SKIC3: variants seen among roughly 807,000 people sequenced by gnomAD.
The protein encoded by SKIC3 is superkiller complex protein 3.
At chr5:95,466,351 C>T in the SKIC3 span, among the ~76,000 whole-genome samples, 1,296 of 152,224 alleles carry the variant, frequency 8.5e-3, 14 homozygotes, top group South Asian at 0.035. Flanking sequence ...ATTCTGTTAC[C>T]TCTAACTCCA....
the SKIC3 span, among the ~76,000 whole-genome samples, chr5:95,481,390 C>T: frequency 6.6e-6 from 1 of 152,162 alleles, no homozygotes; most frequent in Admixed American, 6.6e-5. Context: ...ACACGCCTTC[C>T]TCCTTCCATC....
At chr5:95,540,624 C>A in the SKIC3 span, 1 of 1,585,466 alleles carries the variant, frequency 6.3e-7, no homozygotes, top group Non-Finnish European at 8.6e-7. Context: ...ATTATGTTTC[C>A]ATTTTCTAAA....
the SKIC3 span, among the ~76,000 whole-genome samples, chr5:95,477,738 CACATATATGA>C: frequency 6.6e-6 from 1 of 152,040 alleles, no homozygotes; most frequent in Non-Finnish European, 1.5e-5. Context: ...AAATTCATAC[CACATATATGA>C]ACACTCCATT....
chr5:95,484,704 A>G, the SKIC3 span: 12 of 1,613,892 alleles, frequency 7.4e-6, no homozygotes, highest in African/African-American at 2.7e-5. Context: ...ATGAGTTTCA[A>G]TGCACATTCC....
chr5:95,510,392 G>A, the SKIC3 span, among the ~76,000 whole-genome samples: 12 of 152,172 alleles, frequency 7.9e-5, no homozygotes, highest in Admixed American at 3.9e-4. Flanking sequence ...CTTGCCTAGC[G>A]ACTAGACCTG....
At chr5:95,503,721 AC>A in the SKIC3 span, 7 of 1,569,724 alleles carry the variant, frequency 4.5e-6, no homozygotes, top group African/African-American at 9.5e-5. Context: ...TGCAACCCCC[AC>A]CCCATCTCAT....
chr5:95,553,561 GT>G, the SKIC3 span, among the ~76,000 whole-genome samples: 21 of 151,594 alleles, frequency 1.4e-4, 1 homozygote, highest in African/African-American at 4.4e-4. Flanking sequence ...GGGTTTTTTT[GT>G]TTTTGTTTTT....
the SKIC3 span, chr5:95,554,811 G>A: frequency 1.3e-5 from 2 of 158,228 alleles, no homozygotes; most frequent in South Asian, 1.7e-4. Flanking sequence ...CGCTCTCGCC[G>A]AACACTCAGC....
the SKIC3 span, among the ~76,000 whole-genome samples, chr5:95,508,902 G>A: frequency 1.3e-5 from 2 of 152,118 alleles, no homozygotes; most frequent in Non-Finnish European, 2.9e-5. Flanking sequence ...CTCATTTCTT[G>A]TCTCATTGAA....
chr5:95,539,843 C>CA, the SKIC3 span, among the ~76,000 whole-genome samples: 516 of 107,590 alleles, frequency 4.8e-3, 3 homozygotes, highest in Non-Finnish European at 6.7e-3. Flanking sequence ...CACTCTGCCT[C>CA]AAAAAAAAAA....
At chr5:95,497,287 G>T in the SKIC3 span, 3 of 896,318 alleles carry the variant, frequency 3.3e-6, no homozygotes, top group Non-Finnish European at 3.6e-6. Flanking sequence ...GGAAAATTTA[G>T]TTAATAACAG....
the SKIC3 span, among the ~76,000 whole-genome samples, chr5:95,553,472 G>A: frequency 1.1e-4 from 17 of 152,088 alleles, no homozygotes; most frequent in African/African-American, 3.9e-4. Flanking sequence ...ATTACCTTCC[G>A]TGCTGTATTA....
chr5:95,547,895 T>C, the SKIC3 span, among the ~76,000 whole-genome samples: 2 of 152,080 alleles, frequency 1.3e-5, no homozygotes, highest in African/African-American at 4.8e-5. Context: ...CAATAAGGAT[T>C]ACTGTAGGTT....
the SKIC3 span, chr5:95,494,782 C>T: frequency 8.1e-6 from 13 of 1,613,626 alleles, no homozygotes; most frequent in South Asian, 1.1e-4. Context: ...CCGCAGTGTA[C>T]AGTAATGCCT....
the SKIC3 span, among the ~76,000 whole-genome samples, chr5:95,485,920 G>C: frequency 6.6e-6 from 1 of 152,134 alleles, no homozygotes; most frequent in South Asian, 2.1e-4. Flanking sequence ...CGTCTGCTCG[G>C]CTGGGATCAG....
chr5:95,477,120 C>A, the SKIC3 span, among the ~76,000 whole-genome samples: 1 of 152,134 alleles, frequency 6.6e-6, no homozygotes, highest in Non-Finnish European at 1.5e-5. Flanking sequence ...TGTGGCTCAC[C>A]AGTTACCAAG....
At chr5:95,484,260 C>T in the SKIC3 span, among the ~76,000 whole-genome samples, 1 of 151,034 alleles carries the variant, frequency 6.6e-6, no homozygotes, top group African/African-American at 2.4e-5. Flanking sequence ...GTGGCAAGTA[C>T]AGTAATCAAT....
the SKIC3 span, among the ~76,000 whole-genome samples, chr5:95,473,888 T>C: frequency 6.6e-6 from 1 of 152,242 alleles, no homozygotes; most frequent in Admixed American, 6.5e-5. Flanking sequence ...CATAGTTTCT[T>C]TTGCTGTGCA....
At chr5:95,550,639 C>T in the SKIC3 span, 1 of 152,336 alleles carries the variant, frequency 6.6e-6, no homozygotes, top group South Asian at 2.1e-4. Context: ...TTGTTCCTTA[C>T]CCATTTTCCA....
Sources: allele counts gnomAD v4.1 joint callset (sites outside exome capture counted in the v4.1 genomes callset), GRCh38; gene constraint gnomAD v4.1.1; transcripts MANE v1.5; gene names NCBI Gene and HGNC (gene_info 2026-07-23, HGNC 2026-07-21).